The following LRRC17 variants were observed in gnomAD, a reference collection of about 807,000 sequenced individuals.
LRRC17 encodes the protein leucine rich repeat containing 17.
In LRRC17, 33 loss-of-function variants were observed where a neutral mutation model predicts 41.5. The ratio of observed to expected loss-of-function variants is 0.80; its 90% CI spans 0.60 to 1.06. The LOEUF (loss-of-function observed/expected upper bound fraction) is 1.06, where lower values mean the gene tolerates loss of function less well. LRRC17 is among the 50% of genes least tolerant of loss of function. LRRC17 has a pLI of 0.00. For synonymous variants in LRRC17, 192 were observed against 197.0 expected (o/e 0.97, Z 0.21); for missense variants, 491 against 519.3 (o/e 0.95, Z 0.53).
intron 3 of LRRC17, among the ~76,000 whole-genome samples, chr7:102,940,338 T>G (rs928013189): frequency 4.6e-5 from 7 of 151,786 alleles, no homozygotes; most frequent in Non-Finnish European, 1.0e-4. Context: ...GCCTCCCAAG[T>G]AGCTGGAACT....
intron 1 of LRRC17, among the ~76,000 whole-genome samples, chr7:102,920,046 T>C (rs1415991806): frequency 6.6e-6 from 1 of 151,738 alleles, no homozygotes; most frequent in Non-Finnish European, 1.5e-5. Context: ...TACAGGGGAG[T>C]AGGTGTGCAG....
At chr7:102,914,274 T>C (rs1815376794) in intron 1 of LRRC17, among the ~76,000 whole-genome samples, 1 of 152,226 alleles carries the variant, frequency 6.6e-6, no homozygotes, top group African/African-American at 2.4e-5. Flanking sequence ...GGTTTCACCA[T>C]GTTGGCCAGG....
intron 1 of LRRC17, among the ~76,000 whole-genome samples, chr7:102,924,211 C>A (rs1817623387): frequency 6.7e-6 from 1 of 149,028 alleles, no homozygotes; most frequent in Admixed American, 6.7e-5. Context: ...GCACTCCACC[C>A]TGGGCAACAA....
At chr7:102,923,271 TTAAGTC>T (rs150337176) in intron 1 of LRRC17, among the ~76,000 whole-genome samples, 7,201 of 152,262 alleles carry the variant, frequency 0.047, 255 homozygotes, top group South Asian at 0.13. Context: ...CTCTATCACT[TTAAGTC>T]TAAACAATCA....
Position 102,913,171 on chromosome 7 carries a change from C to T in LRRC17, c.-141+26C>T, listed in dbSNP as rs777670765. ...GTACTGTAAGCCTTTGTCTGTGAAC[C>T]GTCTGCAATAAGCCAAACTAAGATT... On this transcript the variant is annotated intron_variant, in intron 1 of 3. Transcript: ENST00000339431. 26 of 1,614,084 alleles carry T rather than the reference C, an allele frequency of 1.6e-5. No homozygotes were observed. The highest frequency in any genetic ancestry group is 4.4e-5 in the South Asian group (4 of 91,074).
chr7:102,922,117 G>A (rs1468386117), intron 1 of LRRC17, among the ~76,000 whole-genome samples: 1 of 151,812 alleles, frequency 6.6e-6, no homozygotes, highest in Admixed American at 6.6e-5. Flanking sequence ...TTGAGCCCGC[G>A]AGGCGGAGGT....
intron 2 of LRRC17, among the ~76,000 whole-genome samples, chr7:102,935,454 A>T (rs979191324): frequency 6.6e-6 from 1 of 151,958 alleles, no homozygotes; most frequent in African/African-American, 2.4e-5. Context: ...AAAACAATAA[A>T]AATTTAAAGA....
At chr7:102,916,646 G>A (rs1438230326) in intron 1 of LRRC17, among the ~76,000 whole-genome samples, 2 of 152,128 alleles carry the variant, frequency 1.3e-5, no homozygotes, top group Non-Finnish European at 2.9e-5. Flanking sequence ...TCTGAATTTT[G>A]GCAAAGACGC....
chr7:102,926,295 C>T, intron 1 of LRRC17: 1 of 1,613,776 alleles, frequency 6.2e-7, no homozygotes. Flanking sequence ...TCGCATCGTC[C>T]TGTTGGTGAT....
rs759928556 is a variant in LRRC17, at chr7:102,934,388, C to T, written c.475C>T (p.Arg159Cys). Residue 159 changes from arginine (R) to cysteine (C), a missense_variant, in exon 2 of 4, where the codon CGT (arginine) becomes TGT (cysteine). Physicochemically the swap from Arg to Cys is radical, Grantham distance 180. Coordinates refer to ENST00000339431, the MANE Select transcript of LRRC17 (RefSeq NM_001031692.3). ...TTACACACCTCTCTTGAGCTACCTG[C>T]GTCTTTATGACAACCCCTGGCACTG... ...FIYTPLLSYLRLYDNPWHCTC... is the reference protein window; with the variant it reads ...FIYTPLLSYLCLYDNPWHCTC... 4.4e-5 allele frequency: 71 copies of T among 1,614,158 alleles called. No homozygotes were observed. Among genetic ancestry groups the T allele is most frequent in the Admixed American group, 2.3e-4 (14 of 60,024 alleles).
At chr7:102,930,670 C>A (rs1396233422) in intron 1 of LRRC17, among the ~76,000 whole-genome samples, 1 of 152,154 alleles carries the variant, frequency 6.6e-6, no homozygotes, top group East Asian at 1.9e-4. Flanking sequence ...TGTCAACCTA[C>A]TTCTCTTACT....
Position 102,933,823 on chromosome 7 carries a change from T to G in LRRC17, c.-91T>G. 2.2e-6 allele frequency: 3 copies of G among 1,339,990 alleles called. No homozygotes were observed. The highest frequency in any genetic ancestry group is 3.0e-6 in the Non-Finnish European group (3 of 993,896). The allele number at this position is 1,339,990 out of a possible 1,614,324, so 83.0% of individuals were successfully genotyped here. A position where few individuals can be genotyped will look rare whatever the true frequency, so the allele number is the denominator to read the frequency against. On this transcript the variant is annotated 5_prime_UTR_variant, in exon 2 of 4. Coordinates refer to ENST00000339431, the MANE Select transcript of LRRC17 (RefSeq NM_001031692.3). ...TGGGTCTCATTGTTCCAGAACTGCATTAGTTAAGATTACCCAGACTTGGAT... is the reference window on the plus strand; with the variant it reads ...TGGGTCTCATTGTTCCAGAACTGCAGTAGTTAAGATTACCCAGACTTGGAT...
rs1820985700 is a variant in LRRC17, at chr7:102,939,525, G to C, written c.868G>C (p.Asp290His). 1 of 1,614,050 alleles carries C rather than the reference G, an allele frequency of 6.2e-7. No individual in the cohort carries two copies. Among genetic ancestry groups the C allele is most frequent in the Non-Finnish European group, 8.5e-7 (1 of 1,179,960 alleles). The change falls in exon 3 of 4, where the codon GAT becomes CAT. Residue 290 changes from aspartate (D) to histidine (H), a missense_variant. Transcript: ENST00000339431. The part of the protein sequence containing the change: ...INQLRPKEFE[D>H]VHELKKLNLS... ...CCAACTTCGACCCAAGGAATTTGAAGATGTTCATGAGCTGAAGAAATTAAA... is the reference window on the plus strand; with the variant it reads ...CCAACTTCGACCCAAGGAATTTGAACATGTTCATGAGCTGAAGAAATTAAA...
At chr7:102,935,737 G>A (rs1251103726) in intron 2 of LRRC17, among the ~76,000 whole-genome samples, 1 of 152,096 alleles carries the variant, frequency 6.6e-6, no homozygotes, top group East Asian at 1.9e-4. Flanking sequence ...ATGTAACAAT[G>A]TCTATATGTT....
intron 1 of LRRC17, among the ~76,000 whole-genome samples, chr7:102,923,351 C>T (rs1432351473): frequency 6.6e-6 from 1 of 152,104 alleles, no homozygotes; most frequent in Non-Finnish European, 1.5e-5. Flanking sequence ...AGAATACTTC[C>T]ATATTGGCCA....
chr7:102,937,345 C>A (rs368760740), intron 2 of LRRC17, among the ~76,000 whole-genome samples: 39 of 143,744 alleles, frequency 2.7e-4, no homozygotes, highest in African/African-American at 2.6e-4. Flanking sequence ...ACTAAAAATA[C>A]AAAAAAAAAA....
intron 1 of LRRC17, among the ~76,000 whole-genome samples, chr7:102,930,602 T>G (rs1256457221): frequency 2.0e-5 from 3 of 152,224 alleles, no homozygotes. Context: ...TTCTTACCTG[T>G]TCACTTTGGT....
intron 3 of LRRC17, among the ~76,000 whole-genome samples, chr7:102,940,310 C>T (rs867440458): frequency 1.3e-4 from 20 of 149,380 alleles, no homozygotes; most frequent in East Asian, 2.0e-4. Context: ...CCCAGGTTCA[C>T]GCCATTCTCC....
chr7:102,936,890 C>T (rs777424164), intron 2 of LRRC17, among the ~76,000 whole-genome samples: 1 of 151,908 alleles, frequency 6.6e-6, no homozygotes, highest in African/African-American at 2.4e-5. Flanking sequence ...ATTCCCTCCC[C>T]CAATGAGCCT....
Sources: allele counts gnomAD v4.1 joint callset (sites outside exome capture counted in the v4.1 genomes callset), GRCh38; gene constraint gnomAD v4.1.1; transcripts MANE v1.5; gene names NCBI Gene and HGNC (gene_info 2026-07-23, HGNC 2026-07-21).